Variants in FAM163B observed in about 807,000 individuals in gnomAD.
FAM163B encodes family with sequence similarity 163 member B, also known as protein FAM163B.
Under a neutral mutation model 7.6 loss-of-function variants are expected in FAM163B, and 4 were observed. The ratio of observed to expected loss-of-function variants is 0.52; its 90% CI spans 0.26 to 1.20. FAM163B has a LOEUF of 1.20. Ranked by LOEUF, FAM163B falls within the 50% of genes most tolerant of loss-of-function variation. FAM163B has a pLI of 0.14. For synonymous variants in FAM163B, 120 were observed against 111.6 expected (o/e 1.07, Z -0.47); for missense variants, 250 against 243.0 (o/e 1.03, Z -0.19).
At chr9:133,579,830 C>G (rs1831327464) in intron 2 of FAM163B, among the ~76,000 whole-genome samples, 1 of 152,182 alleles carries the variant, frequency 6.6e-6, no homozygotes, top group East Asian at 1.9e-4. Flanking sequence ...CTGGATGGCC[C>G]TGGAGTGCAG....
chr9:133,605,675 C>CA (rs1348047605), intron 1 of FAM163B, among the ~76,000 whole-genome samples: 1 of 152,198 alleles, frequency 6.6e-6, no homozygotes, highest in Non-Finnish European at 1.5e-5. Context: ...GCTGAAACAA[C>CA]AGTCCTCCCC....
intron 1 of FAM163B, among the ~76,000 whole-genome samples, chr9:133,603,873 T>C (rs1831759407): frequency 6.6e-6 from 1 of 152,236 alleles, no homozygotes; most frequent in African/African-American, 2.4e-5. Context: ...AGAGTCTCAC[T>C]CTGTCACCCA....
chr9:133,592,838 T>C (rs1461189245), intron 1 of FAM163B, among the ~76,000 whole-genome samples: 1 of 151,964 alleles, frequency 6.6e-6, no homozygotes, highest in East Asian at 1.9e-4. Context: ...TGACCGATGC[T>C]GCTGGAGAGC....
intron 1 of FAM163B, among the ~76,000 whole-genome samples, chr9:133,599,705 ATGTGTGAGCATGTGCATG>A (rs1831685739): frequency 7.1e-6 from 1 of 141,728 alleles, no homozygotes; most frequent in Non-Finnish European, 1.5e-5. Flanking sequence ...GTATCTGTGC[ATGTGTGAGCATGTGCATG>A]TGTGTCTGTG....
rs765117068 is a variant in FAM163B at position 133,585,099 on chromosome 9, C to T, written c.-23-4853G>A. Among the ~76,000 whole-genome samples the T allele has an allele frequency of 3.5e-3, 536 of 152,342 alleles. 3 individuals are homozygous for T. Among genetic ancestry groups the T allele is most frequent in the Non-Finnish European group, 6.0e-3 (409 of 68,028 alleles). ...AGAGTCTGTGGCAAGGGGGCCTGGGCGGGCAACAGTCCCCTTCTGAGGGCC... is the reference window on the plus strand; with the variant it reads ...AGAGTCTGTGGCAAGGGGGCCTGGGTGGGCAACAGTCCCCTTCTGAGGGCC... On this transcript the variant is annotated intron_variant, in intron 1 of 2. Coordinates refer to ENST00000673969, the MANE Select transcript of FAM163B (RefSeq NM_001080515.3).
chr9:133,604,469 C>T (rs1160014312), intron 1 of FAM163B, among the ~76,000 whole-genome samples: 1 of 151,972 alleles, frequency 6.6e-6, no homozygotes, highest in African/African-American at 2.4e-5. Flanking sequence ...AAACCGGGGG[C>T]TTTTACTTTG....
intron 1 of FAM163B, among the ~76,000 whole-genome samples, chr9:133,604,619 C>G (rs1167114937): frequency 6.6e-6 from 1 of 152,136 alleles, no homozygotes; most frequent in African/African-American, 2.4e-5. Context: ...GACAGTCACC[C>G]TTGCTTTATG....
At chr9:133,596,739 G>A (rs548767501) in intron 1 of FAM163B, among the ~76,000 whole-genome samples, 19 of 152,320 alleles carry the variant, frequency 1.2e-4, no homozygotes, top group African/African-American at 4.1e-4. Context: ...GTGGGGGACC[G>A]TGGAGCCACA....
At chr9:133,598,321 G>A (rs747313175) in intron 1 of FAM163B, among the ~76,000 whole-genome samples, 7 of 151,894 alleles carry the variant, frequency 4.6e-5, no homozygotes, top group Non-Finnish European at 1.0e-4. Flanking sequence ...CACAGGGTGG[G>A]GTGTGAGGCA....
intron 1 of FAM163B, among the ~76,000 whole-genome samples, chr9:133,599,150 C>T (rs55873830): frequency 0.22 from 34,210 of 152,128 alleles, 4,257 homozygotes; most frequent in South Asian, 0.32. Context: ...CAGCCATTCT[C>T]GCCTTTAAAT....
intron 1 of FAM163B, among the ~76,000 whole-genome samples, chr9:133,587,824 C>T (rs1262918461): frequency 6.6e-6 from 1 of 152,124 alleles, no homozygotes; most frequent in Non-Finnish European, 1.5e-5. Flanking sequence ...CCTCAAACCT[C>T]ACCTTCTGCC....
chr9:133,586,462 T>G (rs949471694), intron 1 of FAM163B, among the ~76,000 whole-genome samples: 1 of 152,112 alleles, frequency 6.6e-6, no homozygotes, highest in African/African-American at 2.4e-5. Flanking sequence ...TTGCCTGGAT[T>G]CCTTGAGGGG....
rs1831309022 is a variant in FAM163B at position 133,579,193 on chromosome 9, C to T, written c.330G>A (p.Glu110=). ...PTFFLQEPPE[E]EEDVLNGGER... is the part of the protein sequence containing the mutation. ...CCCCGCCGTTCAGCACGTCCTCTTC[C>T]TCCTCCGGCGGCTCCTGCAGGAAGA... The change falls in exon 3 of 3, where the codon GAG becomes GAA. Residue 110 remains glutamate (E), a synonymous_variant. Coordinates refer to ENST00000673969, the MANE Select transcript of FAM163B (RefSeq NM_001080515.3). 1.2e-5 allele frequency: 19 copies of T among 1,612,152 alleles called. No individual in the cohort carries two copies. The highest frequency in any genetic ancestry group is 1.6e-5 in the Non-Finnish European group (19 of 1,179,810).
intron 1 of FAM163B, among the ~76,000 whole-genome samples, chr9:133,588,685 A>ATCTAGAATGTTGAAG (rs1831488475): frequency 2.5e-3 from 37 of 14,814 alleles, no homozygotes; most frequent in South Asian, 6.0e-3. Context: ...GCATACTGAG[A>ATCTAGAATGTTGAAG]GATCTAGCAT....
rs796310750 is a variant in FAM163B at position 133,580,109 on chromosome 9, C to T, written c.93+22G>A. On this transcript the variant is annotated intron_variant, in intron 2 of 2. Coordinates refer to ENST00000673969, the MANE Select transcript of FAM163B (RefSeq NM_001080515.3). ...CCTCTGGGCCTCCCTGCCCTGTCCC[C>T]TTCCCCGCCGCCCGGGAATACCTGG... is the stretch of plus-strand genomic sequence containing the variant. 5.6e-6 allele frequency: 9 copies of T among 1,604,932 alleles called. No individual in the cohort carries two copies. The African/African-American group carries it at 1.2e-4, about 21-fold the overall frequency.
At chr9:133,599,776 CTG>C (rs781759986) in intron 1 of FAM163B, among the ~76,000 whole-genome samples, 36 of 142,244 alleles carry the variant, frequency 2.5e-4, no homozygotes, top group Non-Finnish European at 4.7e-4. Context: ...GTGTTTTTGT[CTG>C]TGCGTGTGTG....
At chr9:133,608,619 A>G (rs1256646717) in intron 1 of FAM163B, among the ~76,000 whole-genome samples, 1 of 152,208 alleles carries the variant, frequency 6.6e-6, no homozygotes, top group African/African-American at 2.4e-5. Context: ...AATGGGGCCA[A>G]TGCCCCTTTC....
chr9:133,602,882 T>C (rs563070593), intron 1 of FAM163B, among the ~76,000 whole-genome samples: 220 of 152,364 alleles, frequency 1.4e-3, no homozygotes, highest in African/African-American at 5.1e-3. Flanking sequence ...CGAATCATTA[T>C]ATCCCAGAAT....
intron 1 of FAM163B, among the ~76,000 whole-genome samples, chr9:133,593,806 G>A (rs1002356838): frequency 3.3e-5 from 5 of 152,330 alleles, no homozygotes; most frequent in African/African-American, 9.6e-5. Flanking sequence ...CCCCGGCCCC[G>A]AACCTCAGAC....
Sources: gnomAD v4.1 joint callset for allele counts (sites outside exome capture counted in the v4.1 genomes callset) on GRCh38, gnomAD v4.1.1 for gene constraint, MANE v1.5 for transcripts, NCBI Gene and HGNC (gene_info 2026-07-23, HGNC 2026-07-21) for gene names.